The following VWC2L variants were observed in gnomAD, a reference collection of about 807,000 sequenced individuals.
The protein encoded by VWC2L is von Willebrand factor C domain containing 2 like.
In VWC2L, 10 loss-of-function variants were observed where a neutral mutation model predicts 21.6. That is an observed-to-expected ratio of 0.46 (90% CI 0.29 to 0.78). The LOEUF (loss-of-function observed/expected upper bound fraction) is 0.78, where lower values mean the gene tolerates loss of function less well. Among genes scored for constraint, VWC2L ranks in the 30% least tolerant of loss-of-function variants. The pLI is 0.10. For missense variants in VWC2L, 209 were observed against 277.1 expected, an observed-to-expected ratio of 0.75 and a Z score of 1.74; for synonymous variants, 96 against 94.3, an observed-to-expected ratio of 1.02 and a Z score of -0.10.
At chr2:214,573,728 C>T (rs1690186894) in intron 3 of VWC2L, among the ~76,000 whole-genome samples, 1 of 152,212 alleles carries the variant, frequency 6.6e-6, no homozygotes, top group Admixed American at 6.5e-5. Context: ...TCCCAGGGAG[C>T]TGTAGACCCA....
intron 3 of VWC2L, among the ~76,000 whole-genome samples, chr2:214,533,123 T>C (rs1000751729): frequency 1.3e-5 from 2 of 152,084 alleles, no homozygotes; most frequent in Admixed American, 1.3e-4. Context: ...GTGGCTCTGC[T>C]TGCGATTACC....
intron 3 of VWC2L, among the ~76,000 whole-genome samples, chr2:214,450,646 G>T (rs1234089899): frequency 1.3e-5 from 2 of 152,186 alleles, no homozygotes; most frequent in Non-Finnish European, 2.9e-5. Flanking sequence ...CAGGGAGACA[G>T]CAGGAGAATC....
At chr2:214,571,530 T>C (rs1252749497) in intron 3 of VWC2L, among the ~76,000 whole-genome samples, 2 of 152,198 alleles carry the variant, frequency 1.3e-5, no homozygotes, top group Non-Finnish European at 2.9e-5. Flanking sequence ...GATTCCTAAG[T>C]TCAGAAAATA....
intron 3 of VWC2L, among the ~76,000 whole-genome samples, chr2:214,442,782 T>C (rs1257387994): frequency 1.3e-5 from 2 of 152,044 alleles, no homozygotes; most frequent in African/African-American, 4.8e-5. Flanking sequence ...AAACCAAAGA[T>C]TGCAAACTAA....
At chr2:214,432,728 G>A (rs1267692284) in intron 2 of VWC2L, among the ~76,000 whole-genome samples, 1 of 152,004 alleles carries the variant, frequency 6.6e-6, no homozygotes, top group East Asian at 1.9e-4. Context: ...GCCATACAAG[G>A]TATGCATTTA....
chr2:214,499,628 T>A (rs539530488), intron 3 of VWC2L, among the ~76,000 whole-genome samples: 23 of 152,196 alleles, frequency 1.5e-4, no homozygotes, highest in Non-Finnish European at 3.2e-4. Flanking sequence ...GTTGTGCATA[T>A]GTACCTAGAA....
chr2:214,570,792 C>A (rs1295671150), intron 3 of VWC2L, among the ~76,000 whole-genome samples: 1 of 152,154 alleles, frequency 6.6e-6, no homozygotes, highest in Admixed American at 6.5e-5. Flanking sequence ...CACATTTTCA[C>A]AAATATGAAT....
chr2:214,420,235 T>C (rs568653144), intron 2 of VWC2L, among the ~76,000 whole-genome samples: 1 of 152,304 alleles, frequency 6.6e-6, no homozygotes, highest in African/African-American at 2.4e-5. Context: ...ATGTCCAATA[T>C]TGTAAAATTA....
chr2:214,425,887 T>C (rs1702517421), intron 2 of VWC2L, among the ~76,000 whole-genome samples: 1 of 151,872 alleles, frequency 6.6e-6, no homozygotes. Flanking sequence ...AAGAAAGAAT[T>C]CAGATCGGGC....
chr2:214,479,766 G>A (rs1482168314), intron 3 of VWC2L, among the ~76,000 whole-genome samples: 2 of 152,182 alleles, frequency 1.3e-5, no homozygotes, highest in African/African-American at 4.8e-5. Context: ...CCTCCAGCCT[G>A]AGCAAGAAGA....
chr2:214,492,331 C>T (rs1194073147), intron 3 of VWC2L, among the ~76,000 whole-genome samples: 3 of 152,198 alleles, frequency 2.0e-5, no homozygotes, highest in Non-Finnish European at 4.4e-5. Flanking sequence ...AGGGGAACAG[C>T]TGTTCAAAGA....
At chr2:214,465,474 G>A (rs1318580289) in intron 3 of VWC2L, among the ~76,000 whole-genome samples, 1 of 152,168 alleles carries the variant, frequency 6.6e-6, no homozygotes, top group African/African-American at 2.4e-5. Context: ...TCTGCCTGGT[G>A]CCCTATTCTA....
At chr2:214,470,081 A>G (rs1703281698) in intron 3 of VWC2L, among the ~76,000 whole-genome samples, 2 of 152,140 alleles carry the variant, frequency 1.3e-5, no homozygotes, top group Non-Finnish European at 2.9e-5. Context: ...AACTATTAGT[A>G]TATGCAAAAT....
At chr2:214,431,849 A>G (rs1702605236) in intron 2 of VWC2L, among the ~76,000 whole-genome samples, 1 of 152,172 alleles carries the variant, frequency 6.6e-6, no homozygotes, top group South Asian at 2.1e-4. Flanking sequence ...TTAGCACAGT[A>G]TTTTCTAGTG....
At chr2:214,429,868 G>A (rs1018096797) in intron 2 of VWC2L, among the ~76,000 whole-genome samples, 24 of 151,944 alleles carry the variant, frequency 1.6e-4, no homozygotes, top group African/African-American at 5.5e-4. Context: ...CTGTTGTCCA[G>A]GCTGGAGTGC....
intron 3 of VWC2L, among the ~76,000 whole-genome samples, chr2:214,463,516 C>A (rs1181341728): frequency 1.3e-5 from 2 of 152,070 alleles, no homozygotes; most frequent in East Asian, 1.9e-4. Context: ...TTAATCCAAT[C>A]TAATAATCTC....
intron 3 of VWC2L, among the ~76,000 whole-genome samples, chr2:214,478,142 G>A (rs1056998819): frequency 2.0e-5 from 3 of 152,194 alleles, no homozygotes; most frequent in East Asian, 3.8e-4. Context: ...TGGCAGCCAG[G>A]AACAGGTGAG....
At chr2:214,514,113 G>A (rs1476120187) in intron 3 of VWC2L, among the ~76,000 whole-genome samples, 2 of 151,928 alleles carry the variant, frequency 1.3e-5, no homozygotes, top group East Asian at 1.9e-4. Flanking sequence ...TAAATGTAAT[G>A]CCATGTTAAT....
At chr2:214,453,024 T>C (rs1405550979) in intron 3 of VWC2L, among the ~76,000 whole-genome samples, 2 of 152,212 alleles carry the variant, frequency 1.3e-5, no homozygotes, top group African/African-American at 4.8e-5. Flanking sequence ...GTCTATGGCA[T>C]GTCTTTTCAT....
Sources: gnomAD v4.1 joint callset for allele counts (sites outside exome capture counted in the v4.1 genomes callset) on GRCh38, gnomAD v4.1.1 for gene constraint, MANE v1.5 for transcripts, NCBI Gene and HGNC (gene_info 2026-07-23, HGNC 2026-07-21) for gene names.